FHOD3: variants seen among roughly 807,000 people sequenced by gnomAD.
FHOD3 encodes the protein FH1/FH2 domain-containing protein 3.
Under a neutral mutation model 173.0 loss-of-function variants are expected in FHOD3, and 90 were observed. That is an observed-to-expected ratio of 0.52 (90% CI 0.44 to 0.62). The LOEUF (loss-of-function observed/expected upper bound fraction) is 0.62, where lower values mean the gene tolerates loss of function less well. Ranked by LOEUF, FHOD3 falls within the 20% of genes least tolerant of loss-of-function variation. The probability of loss-of-function intolerance (pLI) is 0.00; values close to 1 mark genes in which losing one functional copy is unlikely to be tolerated. For missense variants in FHOD3, 1,945 were observed against 2,034.7 expected, an observed-to-expected ratio of 0.96 and a Z score of 0.85; for synonymous variants, 828 against 823.0, an observed-to-expected ratio of 1.01 and a Z score of -0.10.
At position 36,372,736 on chromosome 18, in the gene FHOD3, C is replaced by T. The variant is rs1598877397; in HGVS notation, c.329C>T (p.Ala110Val). Residue 110 changes from alanine to valine, a missense_variant, in exon 3 of 29, where the codon GCC becomes GTC. Physicochemically the swap from Ala to Val is moderately conservative, Grantham distance 64. Coordinates refer to ENST00000590592, the MANE Select transcript of FHOD3 (RefSeq NM_001281740.3). ...ACGCAGCTGTCTGTGAGGGTCCATG[C>T]CTGCATCGGTGAGTGACACCTGCCC... ...LRTQLSVRVH[A>V]CIEKLYNSSG... 1 of 1,613,790 alleles carries T rather than the reference C, an allele frequency of 6.2e-7. No individual in the cohort carries two copies. The highest frequency in any genetic ancestry group is 2.2e-5 in the East Asian group (1 of 44,868).
intron 1 of FHOD3, among the ~76,000 whole-genome samples, chr18:36,344,114 A>G (rs2045767106): frequency 6.6e-6 from 1 of 152,202 alleles, no homozygotes; most frequent in South Asian, 2.1e-4. Flanking sequence ...TTACCCCCAA[A>G]GTGGGGGTGA....
intron 3 of FHOD3, among the ~76,000 whole-genome samples, chr18:36,469,793 C>G (rs926357250): frequency 4.8e-5 from 7 of 145,486 alleles, no homozygotes; most frequent in Admixed American, 4.7e-4. Flanking sequence ...CTAGCAAGCC[C>G]TAGGAAAGTT....
At chr18:36,343,263 C>T (rs1287643425) in intron 1 of FHOD3, among the ~76,000 whole-genome samples, 1 of 152,122 alleles carries the variant, frequency 6.6e-6, no homozygotes, top group East Asian at 1.9e-4. Flanking sequence ...TCCAAATGTC[C>T]ATCAACTGAG....
chr18:36,729,573 T>C (rs1568685265), intron 19 of FHOD3, among the ~76,000 whole-genome samples: 1 of 152,204 alleles, frequency 6.6e-6, no homozygotes. Context: ...AGGGCACTTT[T>C]CTTGGCTTGT....
chr18:36,755,334 C>T, intron 25 of FHOD3, 23 bp downstream of exon 25: 1 of 1,469,972 alleles, frequency 6.8e-7, no homozygotes, highest in East Asian at 2.5e-5. Flanking sequence ...CAATCCCTCT[C>T]CTTATGTCAT....
chr18:36,552,502 C>A (rs1480274229), intron 5 of FHOD3, among the ~76,000 whole-genome samples: 2 of 142,056 alleles, frequency 1.4e-5, no homozygotes, highest in Non-Finnish European at 3.1e-5. Context: ...TTTTCTTTTT[C>A]TTTTTTTTTT....
chr18:36,451,786 G>T (rs1482305518), intron 3 of FHOD3, among the ~76,000 whole-genome samples: 1 of 152,200 alleles, frequency 6.6e-6, no homozygotes, highest in Non-Finnish European at 1.5e-5. Context: ...GCTAACAGGG[G>T]TGTCCCATCC....
chr18:36,451,092 T>C (rs1218819181), intron 3 of FHOD3, among the ~76,000 whole-genome samples: 1 of 152,272 alleles, frequency 6.6e-6, no homozygotes, highest in Admixed American at 6.5e-5. Context: ...TTTGCATTGT[T>C]AATTTTCTTA....
chr18:36,533,536 C>T lies in FHOD3; in HGVS notation c.511+20993C>T, dbSNP rs560156939. Among the ~76,000 whole-genome samples the T allele has an allele frequency of 3.3e-5, 5 of 152,286 alleles. No homozygotes were observed. The South Asian group carries it at 1.0e-3, about 32-fold the overall frequency. ...TGGCATGGAATGGACTCAGAGGGGC[C>T]GGCTGCTGTTATATGCCCAGCTGCT... On this transcript the variant is annotated intron_variant, in intron 5 of 28. Coordinates refer to ENST00000590592, the MANE Select transcript of FHOD3 (RefSeq NM_001281740.3).
At chr18:36,690,455 G>A (rs1377355113) in intron 16 of FHOD3, among the ~76,000 whole-genome samples, 5 of 152,086 alleles carry the variant, frequency 3.3e-5, no homozygotes, top group South Asian at 2.1e-4. Context: ...ATGGGCCGGT[G>A]GGTCCTCAGA....
At chr18:36,377,644 C>T (rs1041491078) in intron 3 of FHOD3, among the ~76,000 whole-genome samples, 3 of 152,180 alleles carry the variant, frequency 2.0e-5, no homozygotes, top group Non-Finnish European at 4.4e-5. Flanking sequence ...AATGGTGATG[C>T]GTGTGTGCTC....
chr18:36,780,080 G>T lies in FHOD3; in HGVS notation c.*550G>T, dbSNP rs2043965517. The T allele has an allele frequency of 1.5e-5, 17 of 1,148,948 alleles. No individual in the cohort carries two copies. Among genetic ancestry groups the T allele is most frequent in the Non-Finnish European group, 1.9e-5 (17 of 911,984 alleles). 71.2% of individuals were successfully genotyped at this position (1,148,948 alleles called of 1,614,324 possible). A position where few individuals can be genotyped will look rare whatever the true frequency, so the allele number is the denominator to read the frequency against. The stretch of plus-strand genomic sequence containing the variant: ...CATAATGAGAAACTTTTATTCTTCT[G>T]GGAACAGGACCTTAAACAGTTCCAC... On this transcript the variant is annotated 3_prime_UTR_variant, in exon 29 of 29. Transcript: ENST00000590592.
chr18:36,474,280 G>A (rs547734566), intron 3 of FHOD3, among the ~76,000 whole-genome samples: 3 of 152,280 alleles, frequency 2.0e-5, no homozygotes, highest in African/African-American at 7.2e-5. Flanking sequence ...CAGGAACATG[G>A]CTCTCTTCTT....
intron 10 of FHOD3, among the ~76,000 whole-genome samples, chr18:36,633,062 C>T (rs574924322): frequency 1.4e-4 from 21 of 152,332 alleles, no homozygotes; most frequent in Admixed American, 9.1e-4. Context: ...TGTCCGCATG[C>T]GCAGTGCCCT....
intron 13 of FHOD3, among the ~76,000 whole-genome samples, chr18:36,653,755 G>A (rs755487213): frequency 4.6e-5 from 7 of 152,066 alleles, no homozygotes; most frequent in African/African-American, 9.7e-5. Flanking sequence ...ACAATCAGTC[G>A]TCCAAAAATC....
At chr18:36,373,228 G>A (rs1002362613) in intron 3 of FHOD3, among the ~76,000 whole-genome samples, 9 of 152,238 alleles carry the variant, frequency 5.9e-5, no homozygotes, top group African/African-American at 2.2e-4. Flanking sequence ...GTTCAGAATG[G>A]CTTGCTGCGG....
intron 20 of FHOD3, among the ~76,000 whole-genome samples, chr18:36,740,426 A>G (rs866745892): frequency 6.6e-6 from 1 of 152,082 alleles, no homozygotes; most frequent in South Asian, 2.1e-4. Context: ...TTTGTTTTTC[A>G]TCTTTCTCTC....
chr18:36,419,094 T>C (rs2049843878), intron 3 of FHOD3, among the ~76,000 whole-genome samples: 1 of 152,042 alleles, frequency 6.6e-6, no homozygotes, highest in Non-Finnish European at 1.5e-5. Flanking sequence ...ACTTTTATAG[T>C]AGGTCTGGCT....
At chr18:36,321,793 G>A (rs1224966709) in intron 1 of FHOD3, among the ~76,000 whole-genome samples, 2 of 152,162 alleles carry the variant, frequency 1.3e-5, no homozygotes, top group African/African-American at 4.8e-5. Flanking sequence ...GAATATGCAG[G>A]GGGGGCACTT....
Sources: gnomAD v4.1 joint callset for allele counts (sites outside exome capture counted in the v4.1 genomes callset) on GRCh38, gnomAD v4.1.1 for gene constraint, MANE v1.5 for transcripts, NCBI Gene and HGNC (gene_info 2026-07-23, HGNC 2026-07-21) for gene names.